ANKH: variants seen among roughly 807,000 people sequenced by gnomAD.
The protein encoded by ANKH is ANKH inorganic pyrophosphate transport regulator.
ANKH carries 15 observed loss-of-function variants against 49.0 expected under a neutral mutation model. That is an observed-to-expected ratio of 0.31 (90% CI 0.20 to 0.47). The LOEUF is 0.47. Ranked by LOEUF, ANKH falls within the 20% of genes least tolerant of loss-of-function variation. ANKH has a pLI of 1.00. For synonymous variants in ANKH, 273 were observed against 260.0 expected, an observed-to-expected ratio of 1.05 and a Z score of -0.48; for missense variants, 429 against 652.0, an observed-to-expected ratio of 0.66 and a Z score of 3.72.
intron 1 of ANKH, among the ~76,000 whole-genome samples, chr5:14,791,973 G>C (rs181155767): frequency 1.3e-3 from 194 of 152,352 alleles, no homozygotes; most frequent in Non-Finnish European, 2.2e-3. Flanking sequence ...AGGAAGTCAT[G>C]ATGAGAATAT....
intron 1 of ANKH, among the ~76,000 whole-genome samples, chr5:14,804,312 T>C (rs1441418835): frequency 6.6e-6 from 1 of 152,226 alleles, no homozygotes; most frequent in Non-Finnish European, 1.5e-5. Flanking sequence ...TCCCCAGCTC[T>C]GCGCCTCCGT....
chr5:14,803,435 A>G (rs1162677578), intron 1 of ANKH, among the ~76,000 whole-genome samples: 1 of 151,480 alleles, frequency 6.6e-6, no homozygotes, highest in Non-Finnish European at 1.5e-5. Context: ...ACGCACCACC[A>G]CTCCCAACTA....
At chr5:14,759,839 GGAAGGGAAGGAAAGGGAAGGAAAGA>G (rs1739019170) in intron 2 of ANKH, among the ~76,000 whole-genome samples, 1 of 91,372 alleles carries the variant, frequency 1.1e-5, no homozygotes, top group Non-Finnish European at 2.4e-5. Context: ...GAAAGGGAAG[GGAAGGGAAGGAAAGGGAAGGAAAGA>G]GAAGGAAAGG....
chr5:14,771,973 G>A (rs968834103), intron 1 of ANKH, among the ~76,000 whole-genome samples: 10 of 144,858 alleles, frequency 6.9e-5, no homozygotes, highest in Admixed American at 4.1e-4. Context: ...ACAAAAAACC[G>A]TTCCCAATTA....
At chr5:14,791,216 G>A (rs948249227) in intron 1 of ANKH, among the ~76,000 whole-genome samples, 5 of 152,148 alleles carry the variant, frequency 3.3e-5, no homozygotes, top group African/African-American at 1.2e-4. Context: ...GGCCCCTTCG[G>A]GTGCCTGGAG....
intron 8 of ANKH, among the ~76,000 whole-genome samples, chr5:14,720,368 C>T (rs1486001861): frequency 6.6e-6 from 1 of 152,172 alleles, no homozygotes; most frequent in Non-Finnish European, 1.5e-5. Context: ...GGACAAGTGG[C>T]CCTGTCATCT....
chr5:14,848,167 C>T (rs746487873), intron 1 of ANKH, among the ~76,000 whole-genome samples: 4 of 152,094 alleles, frequency 2.6e-5, no homozygotes. Flanking sequence ...TTTCCTAGGC[C>T]GACTAAGAAT....
chr5:14,794,939 C>T (rs1393367353), intron 1 of ANKH, among the ~76,000 whole-genome samples: 2 of 152,240 alleles, frequency 1.3e-5, no homozygotes, highest in Non-Finnish European at 2.9e-5. Context: ...TTTTCCTTTG[C>T]TGTACTGTGT....
intron 8 of ANKH, among the ~76,000 whole-genome samples, chr5:14,735,254 A>T (rs35825720): frequency 0.087 from 13,298 of 152,244 alleles, 862 homozygotes; most frequent in African/African-American, 0.17. Context: ...ACCCACAAAA[A>T]ATAAAAATTA....
chr5:14,791,184 C>T (rs1740153809), intron 1 of ANKH, among the ~76,000 whole-genome samples: 1 of 152,114 alleles, frequency 6.6e-6, no homozygotes, highest in South Asian at 2.1e-4. Flanking sequence ...CTGAGTTTCC[C>T]CCTACCAGCT....
intron 1 of ANKH, among the ~76,000 whole-genome samples, chr5:14,860,657 T>C (rs1271912778): frequency 6.6e-6 from 1 of 152,184 alleles, no homozygotes; most frequent in Non-Finnish European, 1.5e-5. Context: ...AAAAACAGTT[T>C]TGGAAACACA....
intron 4 of ANKH, among the ~76,000 whole-genome samples, chr5:14,753,092 G>T (rs954079742): frequency 6.6e-6 from 1 of 152,066 alleles, no homozygotes; most frequent in Admixed American, 6.5e-5. Flanking sequence ...GGCCCTGGAT[G>T]GGAGGAGGGA....
chr5:14,807,081 C>G (rs778851343), intron 1 of ANKH, among the ~76,000 whole-genome samples: 2 of 150,690 alleles, frequency 1.3e-5, no homozygotes, highest in Non-Finnish European at 3.0e-5. Flanking sequence ...GTTATAGTTA[C>G]AGATTGTCCT....
At chr5:14,827,519 T>C (rs2126594035) in intron 1 of ANKH, among the ~76,000 whole-genome samples, 1 of 152,310 alleles carries the variant, frequency 6.6e-6, no homozygotes, top group East Asian at 1.9e-4. Flanking sequence ...AGTCCAGGCA[T>C]AGTTGAGAAG....
chr5:14,814,150 C>T (rs1740964823), intron 1 of ANKH, among the ~76,000 whole-genome samples: 1 of 152,236 alleles, frequency 6.6e-6, no homozygotes, highest in Non-Finnish European at 1.5e-5. Flanking sequence ...TAGACAATTG[C>T]TATTCTCTGC....
rs181578408 is a variant in ANKH, at chr5:14,792,621, G to A, written c.97-23430C>T. 1.3e-4 allele frequency among the ~76,000 whole-genome samples: 20 copies of A among 152,150 alleles called. No homozygotes were observed. In the East Asian group the frequency reaches 3.9e-3, roughly 29 times the overall value. On this transcript the variant is annotated intron_variant, in intron 1 of 11. Transcript: ENST00000284268. Reference sequence around the variant, plus strand: ...TAGCTGAGGAGGCAGCTGGGTGCTGGTGAACACAGCTAAAACACTACCCAG... The same window carrying A: ...TAGCTGAGGAGGCAGCTGGGTGCTGATGAACACAGCTAAAACACTACCCAG...
chr5:14,793,396 G>A (rs1740267478), intron 1 of ANKH, among the ~76,000 whole-genome samples: 1 of 151,986 alleles, frequency 6.6e-6, no homozygotes, highest in African/African-American at 2.4e-5. Context: ...TTGCCCAGTA[G>A]CTCTTGGGTA....
chr5:14,816,469 G>A (rs1367292042), intron 1 of ANKH, among the ~76,000 whole-genome samples: 1 of 152,086 alleles, frequency 6.6e-6, no homozygotes, highest in Admixed American at 6.5e-5. Context: ...GTGTCAGAGA[G>A]GAACAGGACC....
intron 6 of ANKH, among the ~76,000 whole-genome samples, chr5:14,746,317 C>G (rs944285866): frequency 2.2e-5 from 3 of 137,298 alleles, no homozygotes; most frequent in Non-Finnish European, 4.7e-5. Context: ...TTCTCTCTTT[C>G]TTTTAATTTT....
Sources: gnomAD v4.1 joint callset for allele counts (sites outside exome capture counted in the v4.1 genomes callset) on GRCh38, gnomAD v4.1.1 for gene constraint, MANE v1.5 for transcripts, NCBI Gene and HGNC (gene_info 2026-07-23, HGNC 2026-07-21) for gene names.